Variants in EPC2 observed in about 807,000 individuals in gnomAD.
EPC2 encodes the protein enhancer of polycomb 2, also known as enhancer of polycomb homolog 2.
Under a neutral mutation model 92.1 loss-of-function variants are expected in EPC2, and 14 were observed. That is an observed-to-expected ratio of 0.15 (90% CI 0.10 to 0.24). EPC2 has a LOEUF of 0.24. Among genes scored for constraint, EPC2 ranks in the 10% least tolerant of loss-of-function variants. The pLI is 1.00. For synonymous variants in EPC2, 340 were observed against 334.7 expected, an observed-to-expected ratio of 1.02 and a Z score of -0.17; for missense variants, 755 against 971.5, an observed-to-expected ratio of 0.78 and a Z score of 2.96.
At chr2:148,721,465 AG>A (rs796260640) in intron 2 of EPC2, among the ~76,000 whole-genome samples, 10 of 151,730 alleles carry the variant, frequency 6.6e-5, no homozygotes, top group African/African-American at 9.7e-5. Flanking sequence ...GCTTCTTTCA[AG>A]GTTTTTTCTT....
At chr2:148,760,659 T>A (rs1408830758) in intron 4 of EPC2, among the ~76,000 whole-genome samples, 2 of 152,252 alleles carry the variant, frequency 1.3e-5, no homozygotes, top group African/African-American at 2.4e-5. Flanking sequence ...ATGAATTTTT[T>A]AAAATTACAC....
In EPC2 at chr2:148,786,451, ACT is replaced by A. The variant is rs1260801487; in HGVS notation, c.*77_*78del. The A allele has an allele frequency of 1.3e-5, 15 of 1,190,456 alleles. No individual in the cohort carries two copies. Among genetic ancestry groups the A allele is most frequent in the East Asian group, 7.5e-5 (3 of 39,936 alleles). The allele number at this position is 1,190,456 out of a possible 1,614,324, so 73.7% of individuals were successfully genotyped here. ...ATTCCAGCTGAATGCAAAAGGCAACACTCTGTGGATCACAGAGTGTAACAATG... is the reference window on the plus strand; with the variant it reads ...ATTCCAGCTGAATGCAAAAGGCAACACTGTGGATCACAGAGTGTAACAATG... On this transcript the variant is annotated 3_prime_UTR_variant, in exon 14 of 14. Transcript: ENST00000258484.
intron 2 of EPC2, among the ~76,000 whole-genome samples, chr2:148,710,160 C>G (rs1471668677): frequency 2.0e-5 from 3 of 151,860 alleles, no homozygotes; most frequent in African/African-American, 7.3e-5. Flanking sequence ...AGAAAAAAAT[C>G]AAACAACACC....
At chr2:148,648,645 C>T (rs1469547121) in intron 1 of EPC2, among the ~76,000 whole-genome samples, 1 of 152,116 alleles carries the variant, frequency 6.6e-6, no homozygotes, top group African/African-American at 2.4e-5. Flanking sequence ...CATTCCCCCT[C>T]TATCCCCACC....
Position 148,783,717 on chromosome 2 carries a change from A to G in EPC2, c.1978A>G (p.Thr660Ala). Residue 660 changes from threonine to alanine, a missense_variant, in exon 12 of 14, where the codon ACT becomes GCT. This residue lies in a region of EPC2 where 207 missense variants were observed against 260.5 expected (regional missense o/e 0.79). Coordinates refer to ENST00000258484, the MANE Select transcript of EPC2 (RefSeq NM_015630.4). ...SRSEVAKEQN[T>A]GHNNINGVVQ... is the part of the protein sequence containing the mutation. ...CAGTGAGGTAGCCAAGGAACAGAAC[A>G]CTGGCCACAACAACATAAACGGTGT... 1 of 1,592,250 alleles carries G rather than the reference A, an allele frequency of 6.3e-7. No individual in the cohort carries two copies. The highest frequency in any genetic ancestry group is 8.6e-7 in the Non-Finnish European group (1 of 1,168,488).
At chr2:148,691,121 T>C (rs1188294757) in intron 2 of EPC2, among the ~76,000 whole-genome samples, 1 of 152,240 alleles carries the variant, frequency 6.6e-6, no homozygotes, top group South Asian at 2.1e-4. Context: ...CCACTGTTAG[T>C]ATTTAAATGA....
chr2:148,772,052 G>T (rs1246514039), intron 10 of EPC2, among the ~76,000 whole-genome samples: 1 of 152,198 alleles, frequency 6.6e-6, no homozygotes, highest in Non-Finnish European at 1.5e-5. Context: ...ACCTGCCTCA[G>T]CCTCCCAAAG....
intron 1 of EPC2, among the ~76,000 whole-genome samples, chr2:148,672,976 G>A (rs1354605469): frequency 6.6e-6 from 1 of 152,062 alleles, no homozygotes; most frequent in Non-Finnish European, 1.5e-5. Context: ...ATTCTGTTCT[G>A]ACAGTTTTTT....
At chr2:148,649,193 TAAAC>T (rs1309850813) in intron 1 of EPC2, among the ~76,000 whole-genome samples, 1 of 152,236 alleles carries the variant, frequency 6.6e-6, no homozygotes, top group Admixed American at 6.5e-5. Context: ...TTTTTTTAAA[TAAAC>T]TTTTTTTGAA....
rs186105004 is a variant in EPC2 at position 148,725,041 on chromosome 2, T to G, written c.314-18581T>G. On this transcript the variant is annotated intron_variant, in intron 2 of 13. Coordinates refer to ENST00000258484, the MANE Select transcript of EPC2 (RefSeq NM_015630.4). ...TGTTCTAGTAGTATTTGGTATATAGTGTTAAGAGAAATTGAAATATCGATG... is the reference window on the plus strand; with the variant it reads ...TGTTCTAGTAGTATTTGGTATATAGGGTTAAGAGAAATTGAAATATCGATG... 5.5e-4 allele frequency among the ~76,000 whole-genome samples: 83 copies of G among 152,194 alleles called. 1 individual carries two copies. Among genetic ancestry groups the G allele is most frequent in the African/African-American group, 2.0e-3 (82 of 41,560 alleles).
At chr2:148,711,410 T>A (rs925061485) in intron 2 of EPC2, among the ~76,000 whole-genome samples, 1 of 152,186 alleles carries the variant, frequency 6.6e-6, no homozygotes, top group East Asian at 1.9e-4. Context: ...ATTTTTGTTA[T>A]TCATTTCTGT....
intron 2 of EPC2, among the ~76,000 whole-genome samples, chr2:148,717,346 C>G (rs1238646704): frequency 6.6e-6 from 1 of 151,992 alleles, no homozygotes; most frequent in African/African-American, 2.4e-5. Flanking sequence ...TTGTTAACTT[C>G]AGATCTTTCT....
chr2:148,712,153 T>G (rs541067124), intron 2 of EPC2, among the ~76,000 whole-genome samples: 1 of 152,158 alleles, frequency 6.6e-6, no homozygotes, highest in Non-Finnish European at 1.5e-5. Flanking sequence ...TGGTTTTATC[T>G]TCTACACTTT....
At chr2:148,754,449 G>C (rs1251221213) in intron 4 of EPC2, among the ~76,000 whole-genome samples, 2 of 152,124 alleles carry the variant, frequency 1.3e-5, no homozygotes, top group South Asian at 4.1e-4. Context: ...GAGGAATTTA[G>C]TGTCCTTATG....
chr2:148,748,868 T>C (rs1353086132), intron 3 of EPC2, among the ~76,000 whole-genome samples: 2 of 152,168 alleles, frequency 1.3e-5, no homozygotes, highest in Admixed American at 1.3e-4. Flanking sequence ...CTGCTCAACC[T>C]GTATTTGTTG....
At position 148,734,730 on chromosome 2, in the gene EPC2, A is replaced by G. The variant is rs145121487; in HGVS notation, c.314-8892A>G. ...AGCAACTAATCTGTTATCCATCTCT[A>G]TTATTTTGTCATTTCAAGGAATGTT... On this transcript the variant is annotated intron_variant, in intron 2 of 13. Transcript: ENST00000258484. Among the ~76,000 whole-genome samples, 5 of 151,502 alleles carry G rather than the reference A, an allele frequency of 3.3e-5. No individual in the cohort carries two copies. The East Asian group carries it at 9.7e-4, about 29-fold the overall frequency.
intron 2 of EPC2, among the ~76,000 whole-genome samples, chr2:148,695,080 C>A (rs1681719381): frequency 6.6e-6 from 1 of 152,184 alleles, no homozygotes; most frequent in Admixed American, 6.5e-5. Context: ...ACCAGCCTGA[C>A]ATTGTTTCTT....
chr2:148,739,373 C>G (rs1682830059), intron 2 of EPC2, among the ~76,000 whole-genome samples: 1 of 152,042 alleles, frequency 6.6e-6, no homozygotes, highest in South Asian at 2.1e-4. Context: ...AAATATCTTG[C>G]CATTTTTTGG....
At chr2:148,677,856 C>T (rs1320927426) in intron 1 of EPC2, among the ~76,000 whole-genome samples, 2 of 152,050 alleles carry the variant, frequency 1.3e-5, no homozygotes, top group Admixed American at 1.3e-4. Context: ...TCGCTGGCTT[C>T]AGGAGTGAAG....
Sources: gnomAD v4.1 joint callset for allele counts (sites outside exome capture counted in the v4.1 genomes callset) on GRCh38, gnomAD v4.1.1 for gene constraint, gnomAD v4.1.1 regional missense constraint, MANE v1.5 for transcripts, NCBI Gene and HGNC (gene_info 2026-07-23, HGNC 2026-07-21) for gene names.